The following IQGAP3 variants were observed in gnomAD, a reference collection of about 807,000 sequenced individuals.
IQGAP3 encodes the protein IQ motif containing GTPase activating protein 3.
In IQGAP3, 165 loss-of-function variants were observed where a neutral mutation model predicts 208.2. The observed-to-expected ratio is 0.79, with a 90% CI of 0.70 to 0.90. The LOEUF (loss-of-function observed/expected upper bound fraction) is 0.90, where lower values mean the gene tolerates loss of function less well. IQGAP3 is among the 40% of genes least tolerant of loss of function. The pLI is 0.00. For missense variants in IQGAP3, 1,811 were observed against 2,043.1 expected, an observed-to-expected ratio of 0.89 and a Z score of 2.19; for synonymous variants, 703 against 803.6, an observed-to-expected ratio of 0.87 and a Z score of 2.12.
chr1:156,544,231 A>G lies in IQGAP3; in HGVS notation c.2389-8T>C. The G allele has an allele frequency of 6.2e-7, 1 of 1,613,972 alleles. No individual in the cohort carries two copies. The highest frequency in any genetic ancestry group is 8.5e-7 in the Non-Finnish European group (1 of 1,179,956). On this transcript the variant is annotated splice_region_variant and splice_polypyrimidine_tract_variant and intron_variant, in intron 20 of 37. Transcript: ENST00000361170. Reference sequence around the variant, plus strand: ...CCGGGCCCAGGCCTGGATCTGGGAGAAGAAACACACTGCCTCAGCTCCAGC... The same window carrying G: ...CCGGGCCCAGGCCTGGATCTGGGAGGAGAAACACACTGCCTCAGCTCCAGC...
chr1:156,533,154 T>C, intron 31 of IQGAP3, 48 bp from the exon 32 acceptor site: 4 of 1,604,822 alleles, frequency 2.5e-6, no homozygotes, highest in Non-Finnish European at 3.4e-6. Context: ...CACACACACA[T>C]GCGCACACAC....
In IQGAP3 at chr1:156,535,287, C is replaced by T. The variant is rs768211373; in HGVS notation, c.3423-40G>A. On this transcript the variant is annotated intron_variant, in intron 27 of 37. Transcript: ENST00000361170. ...ACAGGTGCGCGTGGCTGTGCCTCTG[C>T]CCATCTCTCTCTGCCAGAGATAAGA... 4.3e-6 allele frequency: 6 copies of T among 1,387,896 alleles called. No individual in the cohort carries two copies. The Admixed American group carries it at 5.4e-5, about 13-fold the overall frequency. 86.0% of individuals were successfully genotyped at this position (1,387,896 alleles called of 1,614,324 possible).
At chr1:156,530,048 G>A in intron 34 of IQGAP3, 57 bp downstream of exon 34, 1 of 1,347,038 alleles carries the variant, frequency 7.4e-7, no homozygotes, top group South Asian at 1.3e-5. Context: ...ACATGTATAT[G>A]CACGCACACA....
Position 156,557,019 on chromosome 1 carries a change from C to G in IQGAP3, c.1130-326G>C. Among the ~76,000 whole-genome samples, 2 of 2,394 alleles carry G rather than the reference C, an allele frequency of 8.4e-4. 1 individual carries two copies. The highest frequency in any genetic ancestry group is 8.6e-4 in the African/African-American group (2 of 2,316). 1.6% of individuals were successfully genotyped at this position (2,394 alleles called of 152,430 possible). A position where few individuals can be genotyped will look rare whatever the true frequency, so the allele number is the denominator to read the frequency against. ...GGATGTGAGGAGTGCCTCTGCCCGG[C>G]CGCCCCGTCTGAGAAGTGAGGAAAC... is the stretch of plus-strand genomic sequence containing the variant. On this transcript the variant is annotated intron_variant, in intron 11 of 37. Transcript: ENST00000361170.
At chr1:156,562,524 C>G in intron 9 of IQGAP3, 63 bp downstream of exon 9, 2 of 1,317,878 alleles carry the variant, frequency 1.5e-6, no homozygotes, top group Admixed American at 3.4e-5. Flanking sequence ...TATCCCCAAA[C>G]CTCCCAGTGC....
rs1424276801 is a variant in IQGAP3, at chr1:156,528,587, TG to T, written c.4594del (p.Gln1532SerfsTer46). 1 of 1,613,652 alleles carries T rather than the reference TG, an allele frequency of 6.2e-7. No homozygotes were observed. Among genetic ancestry groups the T allele is most frequent in the Non-Finnish European group, 8.5e-7 (1 of 1,179,738 alleles). ...AGCAGCAGTGTAATGAAGAGAAGGCTGCTTCTTCCCCTTCCCAGAACTCCTG... is the reference window on the plus strand; with the variant it reads ...AGCAGCAGTGTAATGAAGAGAAGGCTCTTCTTCCCCTTCCCAGAACTCCTG... The part of the protein sequence containing the change: ...DSKSSGKGKK[Q>X]PSLHYTAAQL... On this transcript the variant is annotated frameshift_variant, in exon 36 of 38. Coordinates refer to ENST00000361170, the MANE Select transcript of IQGAP3 (RefSeq NM_178229.5). LOFTEE classifies it high-confidence loss of function.
Position 156,562,016 on chromosome 1 carries a change from C to T in IQGAP3, c.878-15G>A. On this transcript the variant is annotated splice_polypyrimidine_tract_variant and intron_variant, in intron 9 of 37. Transcript: ENST00000361170. The stretch of plus-strand genomic sequence containing the variant: ...AGCCCCATGGACTGAAAAAAAATGA[C>T]TCCATAATGGACAGTGTGAGAAAGC... 1 of 1,596,760 alleles carries T rather than the reference C, an allele frequency of 6.3e-7. No homozygotes were observed. Among genetic ancestry groups the T allele is most frequent in the Non-Finnish European group, 8.5e-7 (1 of 1,172,138 alleles).
At chr1:156,571,184 C>CA (rs1676628175) in intron 1 of IQGAP3, among the ~76,000 whole-genome samples, 1 of 152,186 alleles carries the variant, frequency 6.6e-6, no homozygotes, top group African/African-American at 2.4e-5. Context: ...GCCTTAGTTA[C>CA]AGTCTCCCTT....
intron 1 of IQGAP3, 51 bp downstream of exon 1, chr1:156,572,442 C>T: frequency 6.3e-7 from 1 of 1,590,500 alleles, no homozygotes; most frequent in Non-Finnish European, 8.6e-7. Context: ...AGCCAAGCCC[C>T]CGACCAGCGG....
intron 24 of IQGAP3, 97 bp downstream of exon 24, chr1:156,539,741 C>T (rs1054312210): frequency 5.0e-6 from 7 of 1,407,328 alleles, no homozygotes; most frequent in Non-Finnish European, 7.0e-6. Flanking sequence ...TGGGAAAGGA[C>T]ACCTTGCATG....
intron 4 of IQGAP3, among the ~76,000 whole-genome samples, chr1:156,565,467 T>C (rs1676359618): frequency 6.6e-6 from 1 of 152,230 alleles, no homozygotes; most frequent in East Asian, 1.9e-4. Context: ...AAAGAAACCA[T>C]ACATTGTAGA....
At chr1:156,562,847 C>A (rs1676222018) in intron 8 of IQGAP3, among the ~76,000 whole-genome samples, 182 bp from the exon 9 acceptor site, 1 of 152,206 alleles carries the variant, frequency 6.6e-6, no homozygotes, top group African/African-American at 2.4e-5. Flanking sequence ...TTAAGCCAAA[C>A]CAACCTTTGG....
At chr1:156,540,953 C>T (rs1199647275) in intron 22 of IQGAP3, 37 bp from the exon 23 acceptor site, 1 of 1,574,218 alleles carries the variant, frequency 6.4e-7, no homozygotes, top group Non-Finnish European at 8.7e-7. Context: ...ATTAGCCATG[C>T]CTCATCAGAG....
chr1:156,563,821 G>A lies in IQGAP3; in HGVS notation c.441C>T (p.Leu147=). The change falls in exon 6 of 38, where the codon CTC becomes CTT. Residue 147 remains leucine (L), a synonymous_variant. Transcript: ENST00000361170. ...GGGCCAATCCCAGCCGGAAGAGGAAGAGACTAGGAAAAAACGGAAGGCATT... is the reference window on the plus strand; with the variant it reads ...GGGCCAATCCCAGCCGGAAGAGGAAAAGACTAGGAAAAAACGGAAGGCATT... ...RVVYCIHALS[L]FLFRLGLAPQ... is the part of the protein sequence containing the mutation. The A allele has an allele frequency of 6.2e-7, 1 of 1,613,698 alleles. No homozygotes were observed. The highest frequency in any genetic ancestry group is 8.5e-7 in the Non-Finnish European group (1 of 1,179,816).
chr1:156,535,353 A>G (rs1273565486), intron 27 of IQGAP3, 106 bp from the exon 28 acceptor site: 6 of 753,288 alleles, frequency 8.0e-6, no homozygotes, highest in Non-Finnish European at 1.4e-5. Context: ...AGGCTCAGCC[A>G]CTCCAGAGTA....
intron 12 of IQGAP3, among the ~76,000 whole-genome samples, chr1:156,555,913 T>C (rs752348502): frequency 3.9e-5 from 6 of 152,248 alleles, no homozygotes; most frequent in Non-Finnish European, 5.9e-5. Context: ...GCTGTGCCTG[T>C]ATCCAAGTCA....
At position 156,538,900 on chromosome 1, in the gene IQGAP3, G is replaced by A. The variant is rs773299414; in HGVS notation, c.3190C>T (p.Leu1064=). 1 of 1,614,156 alleles carries A rather than the reference G, an allele frequency of 6.2e-7. No homozygotes were observed. Among genetic ancestry groups the A allele is most frequent in the Non-Finnish European group, 8.5e-7 (1 of 1,180,026 alleles). Residue 1064 remains leucine, a synonymous_variant, in exon 26 of 38, where the codon CTA becomes TTA. Transcript: ENST00000361170. The part of the protein sequence containing the change: ...EILGKVIQDV[L]EDKVLSVHTD... ...TGGACGCTGAGCACTTTGTCTTCTAGCACATCCTGGATAACCTTGCCCAGA... is the reference window on the plus strand; with the variant it reads ...TGGACGCTGAGCACTTTGTCTTCTAACACATCCTGGATAACCTTGCCCAGA...
intron 29 of IQGAP3, 134 bp from the exon 30 acceptor site, chr1:156,534,275 C>A: frequency 7.4e-7 from 1 of 1,343,762 alleles, no homozygotes. Context: ...CTTCTGCCCT[C>A]TGTCCTGCCC....
At chr1:156,539,725 A>C (rs959635933) in intron 24 of IQGAP3, 113 bp downstream of exon 24, 4 of 1,322,156 alleles carry the variant, frequency 3.0e-6, no homozygotes, top group Non-Finnish European at 4.3e-6. Flanking sequence ...TAAGGAATTA[A>C]GATTATGGGA....
Sources: allele counts gnomAD v4.1 joint callset (sites outside exome capture counted in the v4.1 genomes callset), GRCh38; gene constraint gnomAD v4.1.1; transcripts MANE v1.5; gene names NCBI Gene and HGNC (gene_info 2026-07-23, HGNC 2026-07-21).